RELN: variants seen among roughly 807,000 people sequenced by gnomAD.
RELN encodes the protein reelin.
In RELN, 108 loss-of-function variants were observed where a neutral mutation model predicts 427.6. The ratio of observed to expected loss-of-function variants is 0.25; its 90% CI spans 0.22 to 0.30. RELN has a LOEUF of 0.30. Ranked by LOEUF, RELN falls within the 10% of genes least tolerant of loss-of-function variation. RELN has a pLI of 1.00. For synonymous variants in RELN, 1,524 were observed against 1,513.4 expected (o/e 1.01, Z -0.16); for missense variants, 3,715 against 4,302.8 (o/e 0.86, Z 3.82).
At chr7:103,936,747 C>G (rs13307817) in intron 1 of RELN, among the ~76,000 whole-genome samples, 1,290 of 65,176 alleles carry the variant, frequency 0.02, 17 homozygotes, top group African/African-American at 0.056. Flanking sequence ...CAGACAGACA[C>G]ACACACACAC....
chr7:103,665,618 A>C (rs1433569277), intron 11 of RELN, among the ~76,000 whole-genome samples: 1 of 152,068 alleles, frequency 6.6e-6, no homozygotes, highest in African/African-American at 2.4e-5. Flanking sequence ...CTTTGTAAAT[A>C]ATCTTTCTTT....
chr7:103,880,464 A>G (rs1794581184), intron 2 of RELN, among the ~76,000 whole-genome samples: 2 of 152,130 alleles, frequency 1.3e-5, no homozygotes, highest in South Asian at 4.1e-4. Context: ...ATATATATTC[A>G]ATGTCCAGTT....
chr7:103,800,891 G>A lies in RELN; in HGVS notation c.474-24264C>T, dbSNP rs186697243. Among the ~76,000 whole-genome samples, 688 of 152,082 alleles carry A rather than the reference G, an allele frequency of 4.5e-3. 12 individuals carry two copies. The highest frequency in any genetic ancestry group is 0.016 in the African/African-American group (655 of 41,496). ...ACTTAAACAAATTTACAAGAAAAAA[G>A]CAAACAACCTGATGAAAAAGTGGGC... On this transcript the variant is annotated intron_variant, in intron 3 of 64. Transcript: ENST00000428762.
At chr7:103,617,075 T>TTTTGGTCACTTTATGCC (rs1832096985) in intron 20 of RELN, among the ~76,000 whole-genome samples, 1 of 152,158 alleles carries the variant, frequency 6.6e-6, no homozygotes, top group South Asian at 2.1e-4. Flanking sequence ...GAACTTTTTA[T>TTTTGGTCACTTTATGCC]TTTGGTCACT....
At chr7:103,934,463 GATC>G (rs1795935958) in intron 1 of RELN, among the ~76,000 whole-genome samples, 1 of 152,128 alleles carries the variant, frequency 6.6e-6, no homozygotes. Flanking sequence ...GTAGCCAGAT[GATC>G]ATATCCTACA....
intron 21 of RELN, 142 bp from the exon 22 acceptor site, chr7:103,610,949 T>C: frequency 1.5e-6 from 1 of 676,968 alleles, no homozygotes; most frequent in Non-Finnish European, 2.7e-6. Context: ...AAACAATCCA[T>C]GATTTTTCTT....
At chr7:103,858,743 C>T (rs182709923) in intron 2 of RELN, among the ~76,000 whole-genome samples, 39 of 152,272 alleles carry the variant, frequency 2.6e-4, no homozygotes, top group Admixed American at 1.9e-3. Flanking sequence ...AATGCAAAGA[C>T]GCTTCCATGG....
chr7:103,902,654 G>GAAAAC (rs1795108804), intron 2 of RELN, among the ~76,000 whole-genome samples: 1 of 152,094 alleles, frequency 6.6e-6, no homozygotes, highest in African/African-American at 2.4e-5. Flanking sequence ...TCAGAGTCCT[G>GAAAAC]AAAACAGTAA....
At chr7:103,981,996 G>A (rs1157741350) in intron 1 of RELN, among the ~76,000 whole-genome samples, 1 of 152,078 alleles carries the variant, frequency 6.6e-6, no homozygotes, top group Admixed American at 6.5e-5. Flanking sequence ...GCAAAACCCT[G>A]TCTCTAGTAA....
At chr7:103,494,294 CA>C (rs1308485299) in intron 57 of RELN, among the ~76,000 whole-genome samples, 1 of 150,710 alleles carries the variant, frequency 6.6e-6, no homozygotes, top group Non-Finnish European at 1.5e-5. Flanking sequence ...TGTAGTACAT[CA>C]AAAAAGGGTA....
chr7:103,972,407 A>G (rs1796782411), intron 1 of RELN, among the ~76,000 whole-genome samples: 3 of 152,230 alleles, frequency 2.0e-5, no homozygotes, highest in Admixed American at 1.3e-4. Flanking sequence ...CCTGAGAACT[A>G]CGTGAAAGAG....
chr7:103,733,030 A>T (rs145274585), intron 6 of RELN, among the ~76,000 whole-genome samples: 3,395 of 152,188 alleles, frequency 0.022, 61 homozygotes, highest in Middle Eastern at 0.058. Context: ...GTTTTCTTCT[A>T]GGGTTTTTAT....
intron 2 of RELN, among the ~76,000 whole-genome samples, chr7:103,835,954 C>CT (rs10569884): frequency 0.046 from 6,479 of 142,368 alleles, 401 homozygotes; most frequent in African/African-American, 0.13. Context: ...CTCAATTACC[C>CT]TTTTTTTTTT....
At chr7:103,882,497 ATCC>A (rs1321741294) in intron 2 of RELN, among the ~76,000 whole-genome samples, 3 of 152,026 alleles carry the variant, frequency 2.0e-5, no homozygotes, top group Non-Finnish European at 4.4e-5. Flanking sequence ...TCCTTTAAAA[ATCC>A]TCCTGCCTGC....
intron 4 of RELN, among the ~76,000 whole-genome samples, chr7:103,753,419 C>T (rs1159596043): frequency 6.6e-6 from 1 of 152,132 alleles, no homozygotes; most frequent in Non-Finnish European, 1.5e-5. Context: ...TGTGCCAACA[C>T]TTATTGGTTA....
At position 103,685,055 on chromosome 7, in the gene RELN, G is replaced by T. The variant is rs190844595; in HGVS notation, c.1144-2794C>A. On this transcript the variant is annotated intron_variant, in intron 10 of 64. Transcript: ENST00000428762. ...TGAATCATTAATTAGAACTTTAAAAGCCCTCCTCCAAATTTTGGCAGATTA... is the reference window on the plus strand; with the variant it reads ...TGAATCATTAATTAGAACTTTAAAATCCCTCCTCCAAATTTTGGCAGATTA... 5.5e-4 allele frequency among the ~76,000 whole-genome samples: 84 copies of T among 152,118 alleles called. 2 individuals carry two copies. Among genetic ancestry groups the T allele is most frequent in the Admixed American group, 4.8e-3 (73 of 15,274 alleles).
rs576721192 is a variant in RELN, at chr7:103,753,665, T to C, written c.545-451A>G. Among the ~76,000 whole-genome samples, 3 of 152,330 alleles carry C rather than the reference T, an allele frequency of 2.0e-5. No individual in the cohort carries two copies. In the East Asian group the frequency reaches 5.8e-4, roughly 29 times the overall value. ...AAAAGTAGGAAAATTTATGTTGAAA[T>C]TGAAACTTTGAAAATACAAATTAAT... On this transcript the variant is annotated intron_variant, in intron 4 of 64. Coordinates refer to ENST00000428762, the MANE Select transcript of RELN (RefSeq NM_005045.4).
intron 48 of RELN, among the ~76,000 whole-genome samples, chr7:103,520,001 T>C (rs1829663046): frequency 6.6e-6 from 1 of 152,200 alleles, no homozygotes; most frequent in Non-Finnish European, 1.5e-5. Flanking sequence ...ATTTCAGCAT[T>C]CAAGACTTAT....
At chr7:103,528,119 C>T (rs1473259767) in intron 46 of RELN, among the ~76,000 whole-genome samples, 1 of 152,172 alleles carries the variant, frequency 6.6e-6, no homozygotes, top group Non-Finnish European at 1.5e-5. Context: ...GGAATGTCCA[C>T]CACAGCATAA....
Sources: gnomAD v4.1 joint callset for allele counts (sites outside exome capture counted in the v4.1 genomes callset) on GRCh38, gnomAD v4.1.1 for gene constraint, MANE v1.5 for transcripts, NCBI Gene and HGNC (gene_info 2026-07-23, HGNC 2026-07-21) for gene names.